Variants in DOCK10 observed in about 807,000 individuals in gnomAD.
DOCK10 encodes the protein dedicator of cytokinesis protein 10.
A neutral mutation model predicts 280.1 loss-of-function variants in DOCK10; 145 were observed. The ratio of observed to expected loss-of-function variants is 0.52; its 90% CI spans 0.45 to 0.59. The LOEUF (loss-of-function observed/expected upper bound fraction) is 0.59, where lower values mean the gene tolerates loss of function less well. Ranked by LOEUF, DOCK10 falls within the 20% of genes least tolerant of loss-of-function variation. The pLI is 0.00. For synonymous variants in DOCK10, 915 were observed against 942.2 expected, an observed-to-expected ratio of 0.97 and a Z score of 0.53; for missense variants, 2,368 against 2,651.7, an observed-to-expected ratio of 0.89 and a Z score of 2.35.
intron 1 of DOCK10, among the ~76,000 whole-genome samples, chr2:224,979,711 T>G (rs1398957676): frequency 1.3e-5 from 2 of 152,240 alleles, no homozygotes; most frequent in Non-Finnish European, 1.5e-5. Flanking sequence ...ATGCCACTTT[T>G]CAGTTAGGAT....
At chr2:224,895,102 T>C (rs145509234) in intron 4 of DOCK10, among the ~76,000 whole-genome samples, 460 of 152,348 alleles carry the variant, frequency 3.0e-3, no homozygotes, top group African/African-American at 0.011. Flanking sequence ...TCCAGAATCC[T>C]TTCCCAAGAT....
intron 20 of DOCK10, 32 bp from the exon 21 acceptor site, chr2:224,845,356 A>G (rs1696268001): frequency 6.3e-7 from 1 of 1,575,890 alleles, no homozygotes; most frequent in Non-Finnish European, 8.6e-7. Context: ...AAAAATTCTG[A>G]GTACAAACCT....
At chr2:224,961,400 C>CT (rs1223203348) in intron 1 of DOCK10, among the ~76,000 whole-genome samples, 39 of 119,126 alleles carry the variant, frequency 3.3e-4, no homozygotes, top group Non-Finnish European at 4.7e-4. Context: ...GCAGCATTTT[C>CT]TTTCTTTCTT....
chr2:224,811,513 G>T (rs1156776070), intron 31 of DOCK10, among the ~76,000 whole-genome samples: 20 of 151,884 alleles, frequency 1.3e-4, no homozygotes, highest in African/African-American at 3.9e-4. Context: ...GTCAATTTTG[G>T]CTTTTGTTGC....
intron 1 of DOCK10, among the ~76,000 whole-genome samples, chr2:224,990,112 C>T (rs571855029): frequency 6.6e-5 from 10 of 152,306 alleles, no homozygotes; most frequent in African/African-American, 9.6e-5. Context: ...ATTGATGCAG[C>T]TCAAAAGCAG....
Position 224,909,278 on chromosome 2 carries a change from A to C in DOCK10, c.333+7417T>G, listed in dbSNP as rs201556295. On this transcript the variant is annotated intron_variant, in intron 3 of 55. Transcript: ENST00000258390. ...TTGTGGGAGTGGTGCTTGTTTTATC[A>C]CGGAAGTGTTTAGATATTTTTTATG... is the stretch of plus-strand genomic sequence containing the variant. 5.9e-5 allele frequency among the ~76,000 whole-genome samples: 9 copies of C among 152,090 alleles called. No homozygotes were observed. The East Asian group carries it at 1.7e-3, about 29-fold the overall frequency.
intron 19 of DOCK10, among the ~76,000 whole-genome samples, chr2:224,847,746 T>C (rs1417344806): frequency 1.3e-5 from 2 of 152,170 alleles, no homozygotes; most frequent in Non-Finnish European, 2.9e-5. Context: ...TAAACGCATA[T>C]GGAAGAGTGA....
chr2:224,875,778 G>A (rs150302724), intron 8 of DOCK10, among the ~76,000 whole-genome samples: 97 of 152,262 alleles, frequency 6.4e-4, no homozygotes, highest in Admixed American at 1.4e-3. Context: ...GCACATTTTG[G>A]ATGCTGTGAC....
intron 4 of DOCK10, among the ~76,000 whole-genome samples, chr2:224,890,990 G>C (rs1193194071): frequency 6.6e-6 from 1 of 152,194 alleles, no homozygotes; most frequent in African/African-American, 2.4e-5. Flanking sequence ...GAAGAGTCTA[G>C]AGAGGCAGTG....
chr2:224,873,610 A>AAG lies in DOCK10; in HGVS notation c.1257+385_1257+386insCT, dbSNP rs1158339082. 1.4e-3 allele frequency among the ~76,000 whole-genome samples: 204 copies of AAG among 150,264 alleles called. 1 individual carries two copies. The highest frequency in any genetic ancestry group is 3.7e-3 in the African/African-American group (149 of 40,764). ...AGACCATCTCAAAAAAAAAAAAAAA[A>AAG]AAAAAAAAAGCCATCTTGAGTACTA... On this transcript the variant is annotated intron_variant, in intron 11 of 55. Transcript: ENST00000258390.
intron 11 of DOCK10, among the ~76,000 whole-genome samples, chr2:224,870,643 T>A (rs978511164): frequency 3.9e-5 from 6 of 152,062 alleles, no homozygotes; most frequent in African/African-American, 1.2e-4. Flanking sequence ...CCAACAGCCA[T>A]CCCTGTTTAG....
At chr2:224,913,128 A>G (rs1403174096) in intron 3 of DOCK10, among the ~76,000 whole-genome samples, 1 of 152,162 alleles carries the variant, frequency 6.6e-6, no homozygotes, top group Non-Finnish European at 1.5e-5. Flanking sequence ...AAATGTGAAA[A>G]AATTTTAGCC....
At chr2:224,811,351 ATTTG>A (rs1381638713) in intron 31 of DOCK10, among the ~76,000 whole-genome samples, 1 of 151,940 alleles carries the variant, frequency 6.6e-6, no homozygotes, top group African/African-American at 2.4e-5. Context: ...TTTCTTGTAA[ATTTG>A]TTTGAGTTCA....
chr2:224,844,106 T>G (rs1696166455), intron 22 of DOCK10, among the ~76,000 whole-genome samples: 1 of 152,162 alleles, frequency 6.6e-6, no homozygotes, highest in African/African-American at 2.4e-5. Context: ...GGTTTTCAGG[T>G]AAAGATCTGA....
At chr2:224,899,569 C>G (rs995662286) in intron 3 of DOCK10, among the ~76,000 whole-genome samples, 1 of 151,992 alleles carries the variant, frequency 6.6e-6, no homozygotes, top group African/African-American at 2.4e-5. Context: ...AGATTTGGAA[C>G]AAGGGAATTA....
At chr2:224,943,364 T>C (rs76638801) in intron 1 of DOCK10, among the ~76,000 whole-genome samples, 1,851 of 152,228 alleles carry the variant, frequency 0.012, 33 homozygotes, top group African/African-American at 0.042. Flanking sequence ...ACCCAGAATA[T>C]ACAGACTAGT....
intron 1 of DOCK10, among the ~76,000 whole-genome samples, chr2:224,988,419 C>T (rs966750418): frequency 6.6e-6 from 1 of 152,194 alleles, no homozygotes; most frequent in Non-Finnish European, 1.5e-5. Flanking sequence ...CCTTATAGCA[C>T]TCGCCATGTG....
intron 3 of DOCK10, 130 bp downstream of exon 3, chr2:224,916,562 AGAC>A: frequency 8.5e-6 from 4 of 469,264 alleles, no homozygotes; most frequent in Admixed American, 3.9e-5. Context: ...AAAAAAAAAA[AGAC>A]ATCCACTAGT....
chr2:224,960,699 C>T (rs1203082038), intron 1 of DOCK10, among the ~76,000 whole-genome samples: 1 of 145,424 alleles, frequency 6.9e-6, no homozygotes, highest in African/African-American at 2.6e-5. Flanking sequence ...TCCCTTATCC[C>T]TTATGTGCAC....
Sources: allele counts gnomAD v4.1 joint callset (sites outside exome capture counted in the v4.1 genomes callset), GRCh38; gene constraint gnomAD v4.1.1; transcripts MANE v1.5; gene names NCBI Gene and HGNC (gene_info 2026-07-23, HGNC 2026-07-21).